GALNT13: variants seen among roughly 807,000 people sequenced by gnomAD.
GALNT13 encodes the protein polypeptide N-acetylgalactosaminyltransferase 13.
A neutral mutation model predicts 64.2 loss-of-function variants in GALNT13; 28 were observed. The ratio of observed to expected loss-of-function variants is 0.44; its 90% confidence interval spans 0.32 to 0.60. The LOEUF is 0.60. GALNT13 is among the 20% of genes least tolerant of loss of function. GALNT13 has a pLI of 0.05. For synonymous variants in GALNT13, 214 were observed against 224.6 expected (o/e 0.95, Z 0.42); for missense variants, 577 against 669.8 (o/e 0.86, Z 1.53).
chr2:154,198,912 A>G (rs1687024839), intron 4 of GALNT13, among the ~76,000 whole-genome samples: 1 of 152,010 alleles, frequency 6.6e-6, no homozygotes, highest in Non-Finnish European at 1.5e-5. Flanking sequence ...TATTATAAAT[A>G]TATCAGAAAA....
intron 1 of GALNT13, among the ~76,000 whole-genome samples, chr2:153,884,138 T>C (rs1558833590): frequency 6.6e-6 from 1 of 151,994 alleles, no homozygotes; most frequent in Non-Finnish European, 1.5e-5. Context: ...TCCTTAAAAT[T>C]ACAAAGATAA....
At chr2:153,207,365 G>A in the GALNT13 span, among the ~76,000 whole-genome samples, 2 of 152,032 alleles carry the variant, frequency 1.3e-5, no homozygotes, top group African/African-American at 2.4e-5. Context: ...TCTTTTGGCA[G>A]GGAGGCAAGA....
chr2:153,784,934 C>T, the GALNT13 span, among the ~76,000 whole-genome samples: 1 of 152,100 alleles, frequency 6.6e-6, no homozygotes, highest in Non-Finnish European at 1.5e-5. Context: ...TGAAGTGGTC[C>T]CCTGTCACAG....
Position 154,224,810 on chromosome 2 carries a change from T to C in GALNT13, c.312-17220T>C, listed in dbSNP as rs113543238. On this transcript the variant is annotated intron_variant, in intron 4 of 12. Coordinates refer to ENST00000392825, the MANE Select transcript of GALNT13 (RefSeq NM_052917.4). ...TTTTTGAAAAAATTATCTAAATTCC[T>C]CTTAACCTTGGTGGAAGGAAATGCT... 6.8e-3 allele frequency among the ~76,000 whole-genome samples: 1,029 copies of C among 152,192 alleles called. 9 individuals are homozygous for C. The highest frequency in any genetic ancestry group is 0.024 in the African/African-American group (995 of 41,534).
rs528897385 is a variant in GALNT13, at chr2:154,388,458, A to C, written c.1157-7533A>C. On this transcript the variant is annotated intron_variant, in intron 9 of 12. Coordinates refer to ENST00000392825, the MANE Select transcript of GALNT13 (RefSeq NM_052917.4). The stretch of plus-strand genomic sequence containing the variant: ...TGTGCATTTACAGTCAAATCAAACA[A>C]TTTTTGTCCAGACAAATATGGACTA... Among the ~76,000 whole-genome samples, 14 of 151,854 alleles carry C rather than the reference A, an allele frequency of 9.2e-5. No individual in the cohort carries two copies. The South Asian group carries it at 2.9e-3, about 32-fold the overall frequency.
chr2:154,090,296 C>T (rs1450370004), intron 3 of GALNT13, among the ~76,000 whole-genome samples: 5 of 151,894 alleles, frequency 3.3e-5, no homozygotes, highest in African/African-American at 1.2e-4. Context: ...TTCTATGGTT[C>T]CCTTATTTTA....
chr2:153,960,158 G>A (rs750875235), intron 3 of GALNT13, among the ~76,000 whole-genome samples: 9 of 152,216 alleles, frequency 5.9e-5, no homozygotes, highest in African/African-American at 1.2e-4. Context: ...CTGCCTCTCC[G>A]ATCCTCAGTC....
At chr2:153,595,867 C>G in the GALNT13 span, among the ~76,000 whole-genome samples, 1 of 152,008 alleles carries the variant, frequency 6.6e-6, no homozygotes, top group South Asian at 2.1e-4. Context: ...TCTGAGTGTA[C>G]CAAACAATAT....
At chr2:153,326,633 C>T in the GALNT13 span, among the ~76,000 whole-genome samples, 4 of 152,106 alleles carry the variant, frequency 2.6e-5, no homozygotes, top group African/African-American at 9.7e-5. Context: ...CCAGTTTTTC[C>T]TTTACATATT....
the GALNT13 span, among the ~76,000 whole-genome samples, chr2:153,225,546 G>A: frequency 2.0e-5 from 3 of 152,066 alleles, no homozygotes; most frequent in African/African-American, 2.4e-5. Context: ...AAGAAATAAA[G>A]TTTATTTTCA....
At chr2:153,507,148 C>T in the GALNT13 span, among the ~76,000 whole-genome samples, 101 of 152,204 alleles carry the variant, frequency 6.6e-4, no homozygotes, top group Non-Finnish European at 1.2e-3. Context: ...ATTGCTGAGA[C>T]TTTCCAGTGC....
At position 154,009,620 on chromosome 2, in the gene GALNT13, A is replaced by G. The variant is rs1696490395; in HGVS notation, c.142+64981A>G. On this transcript the variant is annotated intron_variant, in intron 3 of 12. Coordinates refer to ENST00000392825, the MANE Select transcript of GALNT13 (RefSeq NM_052917.4). ...GTTATCCTATCTCACCCTCCCAAGT[A>G]GCTGGGACTACATGTGCCACCACCA... Among the ~76,000 whole-genome samples the G allele has an allele frequency of 2.0e-5, 3 of 151,526 alleles. No individual in the cohort carries two copies. The South Asian group carries it at 6.2e-4, about 32-fold the overall frequency.
chr2:154,116,355 T>G (rs1284239140), intron 3 of GALNT13, among the ~76,000 whole-genome samples: 2 of 152,188 alleles, frequency 1.3e-5, no homozygotes, highest in African/African-American at 4.8e-5. Context: ...CACCTTTCAC[T>G]GCAGGTCAGC....
chr2:153,124,777 C>T, the GALNT13 span, among the ~76,000 whole-genome samples: 15 of 152,310 alleles, frequency 9.8e-5, no homozygotes, highest in South Asian at 3.1e-3. Flanking sequence ...GCTGGGATTA[C>T]AGGTGTGAGC....
intron 3 of GALNT13, among the ~76,000 whole-genome samples, chr2:153,960,608 C>T (rs897502369): frequency 6.6e-6 from 1 of 152,142 alleles, no homozygotes; most frequent in African/African-American, 2.4e-5. Context: ...ATCGTTGGGT[C>T]ATTGCCATGG....
the GALNT13 span, among the ~76,000 whole-genome samples, chr2:153,192,808 A>G: frequency 6.6e-6 from 1 of 151,794 alleles, no homozygotes; most frequent in African/African-American, 2.4e-5. Flanking sequence ...ATGTAAGTAT[A>G]GCTACTTCTG....
chr2:153,932,826 C>G (rs572705816), intron 2 of GALNT13, among the ~76,000 whole-genome samples: 12 of 152,056 alleles, frequency 7.9e-5, no homozygotes, highest in African/African-American at 2.7e-4. Flanking sequence ...TGGGGTTTCA[C>G]TATATTGGTC....
At chr2:154,167,457 A>G (rs1008463763) in intron 4 of GALNT13, among the ~76,000 whole-genome samples, 2 of 152,214 alleles carry the variant, frequency 1.3e-5, no homozygotes, top group African/African-American at 4.8e-5. Flanking sequence ...CGAATATTTG[A>G]AAGGCTAAAA....
At chr2:153,253,793 T>G in the GALNT13 span, among the ~76,000 whole-genome samples, 5 of 151,122 alleles carry the variant, frequency 3.3e-5, no homozygotes, top group East Asian at 3.9e-4. Flanking sequence ...GTATATTGAA[T>G]CAGCCCTGCA....
Sources: gnomAD v4.1 joint callset for allele counts (sites outside exome capture counted in the v4.1 genomes callset) on GRCh38, gnomAD v4.1.1 for gene constraint, MANE v1.5 for transcripts, NCBI Gene and HGNC (gene_info 2026-07-23, HGNC 2026-07-21) for gene names.